The following RSBN1L variants were observed in gnomAD, a reference collection of about 807,000 sequenced individuals.
RSBN1L encodes lysine-specific demethylase RSBN1L.
In RSBN1L, 30 loss-of-function variants were observed where a neutral mutation model predicts 67.7. The observed-to-expected ratio is 0.44, with a 90% CI of 0.33 to 0.60. The LOEUF is 0.60. RSBN1L is among the 20% of genes least tolerant of loss of function. The pLI is 0.02. For missense variants in RSBN1L, 992 were observed against 1,031.7 expected (o/e 0.96, Z 0.53); for synonymous variants, 433 against 387.0 (o/e 1.12, Z -1.39).
At chr7:77,763,572 G>A (rs1791723257) in intron 3 of RSBN1L, among the ~76,000 whole-genome samples, 1 of 152,216 alleles carries the variant, frequency 6.6e-6, no homozygotes, top group African/African-American at 2.4e-5. Context: ...CCTGAAGACT[G>A]TTGTAGAGTT....
intron 2 of RSBN1L, among the ~76,000 whole-genome samples, chr7:77,739,711 G>GAAAAAA (rs1158112982): frequency 5.8e-5 from 2 of 34,412 alleles, no homozygotes; most frequent in South Asian, 1.6e-3. Context: ...TTGGTCTCAG[G>GAAAAAA]AAAAAAAAAA....
chr7:77,698,494 G>A (rs1790770898), intron 1 of RSBN1L, among the ~76,000 whole-genome samples: 1 of 152,202 alleles, frequency 6.6e-6, no homozygotes, highest in Non-Finnish European at 1.5e-5. Context: ...GAAAGAGGAA[G>A]TGAATATGAG....
intron 1 of RSBN1L, among the ~76,000 whole-genome samples, chr7:77,720,763 CTTTTTTTTT>C (rs34070122): frequency 9.6e-6 from 1 of 104,358 alleles, no homozygotes; most frequent in South Asian, 3.0e-4. Context: ...TTTTCTTTTT[CTTTTTTTTT>C]TTTTTTTTTT....
intron 1 of RSBN1L, among the ~76,000 whole-genome samples, chr7:77,719,736 C>T (rs1304314371): frequency 3.9e-5 from 6 of 152,096 alleles, no homozygotes; most frequent in African/African-American, 4.8e-5. Flanking sequence ...TCATGTTATG[C>T]CTGGCATGGT....
chr7:77,722,990 CAG>C (rs1362498160), intron 1 of RSBN1L, among the ~76,000 whole-genome samples: 2 of 128,188 alleles, frequency 1.6e-5, no homozygotes, highest in Admixed American at 1.7e-4. Context: ...TTTTTTGAGA[CAG>C]AGTTTCGCTT....
intron 1 of RSBN1L, among the ~76,000 whole-genome samples, chr7:77,703,496 T>G (rs1790847049): frequency 1.5e-5 from 2 of 134,576 alleles, no homozygotes; most frequent in Non-Finnish European, 1.6e-5. Context: ...TTTTTTTTTT[T>G]TTTTTTTTTT....
rs144835232 is a variant in RSBN1L at position 77,775,826 on chromosome 7, C to A, written c.1793+2512C>A. 5.9e-5 allele frequency among the ~76,000 whole-genome samples: 9 copies of A among 152,140 alleles called. 1 individual carries two copies. Among genetic ancestry groups the A allele is most frequent in the Admixed American group, 5.9e-4 (9 of 15,282 alleles). On this transcript the variant is annotated intron_variant, in intron 6 of 7. Transcript: ENST00000334955. ...ATCTCAGCATTTTGGGAGGCCAAGG[C>A]GGGCGGATCACCTGAGGTCAGGAGT...
chr7:77,697,741 A>AC lies in RSBN1L; in HGVS notation c.586+688dup, dbSNP rs1790759506. Among the ~76,000 whole-genome samples the AC allele has an allele frequency of 2.0e-5, 3 of 152,160 alleles. No homozygotes were observed. In the South Asian group the frequency reaches 6.2e-4, roughly 31 times the overall value. ...TTTTTTCCCTGCAGCAAATGATAAA[A>AC]CCAGGAGCTTTGACGATTTTTCGCC... is the stretch of plus-strand genomic sequence containing the variant. On this transcript the variant is annotated intron_variant, in intron 1 of 7. Coordinates refer to ENST00000334955, the MANE Select transcript of RSBN1L (RefSeq NM_198467.3).
intron 1 of RSBN1L, among the ~76,000 whole-genome samples, chr7:77,726,776 ATTTTTTTT>A (rs35354992): frequency 8.9e-6 from 1 of 112,306 alleles, no homozygotes; most frequent in Non-Finnish European, 1.7e-5. Context: ...CACCCAGCTA[ATTTTTTTT>A]TTTTTTTTTT....
At chr7:77,768,422 C>G (rs1187169464) in intron 4 of RSBN1L, 4 of 404,250 alleles carry the variant, frequency 9.9e-6, no homozygotes, top group Non-Finnish European at 1.8e-5. Flanking sequence ...AATCATACCT[C>G]TAGCAGGGTA....
intron 3 of RSBN1L, chr7:77,759,597 G>GA (rs1375550223): frequency 6.6e-6 from 1 of 152,048 alleles, no homozygotes; most frequent in Non-Finnish European, 1.5e-5. Context: ...AACCTCAGCA[G>GA]AATTGAATCA....
At chr7:77,704,469 T>C (rs912719049) in intron 1 of RSBN1L, among the ~76,000 whole-genome samples, 2 of 152,230 alleles carry the variant, frequency 1.3e-5, no homozygotes, top group African/African-American at 4.8e-5. Flanking sequence ...TTTTTAATCA[T>C]AAGATTTTAA....
intron 1 of RSBN1L, among the ~76,000 whole-genome samples, chr7:77,732,740 G>A (rs1791287420): frequency 6.6e-6 from 1 of 152,154 alleles, no homozygotes; most frequent in Non-Finnish European, 1.5e-5. Flanking sequence ...TTGGGATTAT[G>A]GATACCAATA....
chr7:77,771,585 C>T (rs1387272113), intron 5 of RSBN1L, among the ~76,000 whole-genome samples: 1 of 150,390 alleles, frequency 6.6e-6, no homozygotes, highest in Non-Finnish European at 1.5e-5. Flanking sequence ...TCTCGGCTCA[C>T]TGCAACCTCT....
intron 1 of RSBN1L, among the ~76,000 whole-genome samples, chr7:77,707,477 T>C (rs919378020): frequency 6.6e-6 from 1 of 152,232 alleles, no homozygotes; most frequent in African/African-American, 2.4e-5. Context: ...CATTGCATAT[T>C]TAAGTAGCTA....
chr7:77,736,629 C>A, intron 2 of RSBN1L, 103 bp downstream of exon 2: 2 of 562,248 alleles, frequency 3.6e-6, no homozygotes, highest in Non-Finnish European at 5.6e-6. Flanking sequence ...CTGAATTTTG[C>A]GGAGAATGAA....
intron 1 of RSBN1L, chr7:77,697,305 T>G: frequency 2.7e-6 from 1 of 365,748 alleles, no homozygotes. Context: ...TCCCAGTTAG[T>G]GCGCTGCAGG....
At chr7:77,738,804 C>T (rs949934895) in intron 2 of RSBN1L, among the ~76,000 whole-genome samples, 7 of 151,750 alleles carry the variant, frequency 4.6e-5, no homozygotes, top group East Asian at 3.9e-4. Flanking sequence ...CAAAAAATTA[C>T]GGTGGGTGCC....
chr7:77,735,636 T>C (rs1056165844), intron 1 of RSBN1L, among the ~76,000 whole-genome samples: 2 of 152,200 alleles, frequency 1.3e-5, no homozygotes, highest in African/African-American at 2.4e-5. Flanking sequence ...TATACTTCCA[T>C]CATGGTTTTG....
Sources: gnomAD v4.1 joint callset for allele counts (sites outside exome capture counted in the v4.1 genomes callset) on GRCh38, gnomAD v4.1.1 for gene constraint, MANE v1.5 for transcripts, NCBI Gene and HGNC (gene_info 2026-07-23, HGNC 2026-07-21) for gene names.